The following CDC23 variants were observed in gnomAD, a reference collection of about 807,000 sequenced individuals.
The protein encoded by CDC23 is cell division cycle protein 23 homolog.
A neutral mutation model predicts 81.7 loss-of-function variants in CDC23; 26 were observed. The observed-to-expected ratio is 0.32, with a 90% confidence interval of 0.23 to 0.44. The LOEUF is 0.44. Among genes scored for constraint, CDC23 ranks in the 20% least tolerant of loss-of-function variants. The pLI is 1.00. For missense variants in CDC23, 519 were observed against 728.0 expected, an observed-to-expected ratio of 0.71 and a Z score of 3.30; for synonymous variants, 267 against 270.8, an observed-to-expected ratio of 0.99 and a Z score of 0.14.
intron 2 of CDC23, among the ~76,000 whole-genome samples, chr5:138,211,283 T>A (rs1358582128): frequency 5.3e-5 from 8 of 152,198 alleles, no homozygotes; most frequent in Non-Finnish European, 1.2e-4. Flanking sequence ...AAATACAGCA[T>A]GTTCTCACTT....
intron 2 of CDC23, 68 bp downstream of exon 2, chr5:138,212,923 G>A (rs892632762): frequency 4.0e-5 from 52 of 1,304,566 alleles, no homozygotes; most frequent in Non-Finnish European, 5.1e-5. Flanking sequence ...CCAGTGACAG[G>A]GCACTCAGTG....
At chr5:138,206,414 T>C (rs774327509) in intron 3 of CDC23, 133 bp downstream of exon 3, 1 of 847,432 alleles carries the variant, frequency 1.2e-6, no homozygotes, top group African/African-American at 1.7e-5. Context: ...TATCTTTTTT[T>C]TATTATTGCT....
rs982292575 is a variant in CDC23, at chr5:138,191,715, C to G, written c.1362+147G>C. On this transcript the variant is annotated intron_variant, in intron 12 of 15. Transcript: ENST00000394886. ...ATTCCCACTGATGACCTTGGCCCAG[C>G]TTTGCTTTCAGACTATGTATCTATA... 4.8e-5 allele frequency: 44 copies of G among 922,262 alleles called. No individual in the cohort carries two copies. In the Middle Eastern group the frequency reaches 1.3e-3, roughly 27 times the overall value. The allele number at this position is 922,262 out of a possible 1,614,324, so 57.1% of individuals were successfully genotyped here. A position where few individuals can be genotyped will look rare whatever the true frequency, so the allele number is the denominator to read the frequency against.
At chr5:138,191,759 T>C in intron 12 of CDC23, 103 bp downstream of exon 12, 2 of 1,019,632 alleles carry the variant, frequency 2.0e-6, no homozygotes, top group Non-Finnish European at 3.1e-6. Context: ...GACTTTCCTA[T>C]GCACCTAGAT....
At position 138,213,230 on chromosome 5, in the gene CDC23, T is replaced by A; in HGVS notation, c.83A>T (p.Asp28Val). 3.1e-6 allele frequency: 5 copies of A among 1,614,016 alleles called. No homozygotes were observed. Among genetic ancestry groups the A allele is most frequent in the Non-Finnish European group, 4.2e-6 (5 of 1,180,004 alleles). Reference protein sequence around the residue: ...PVLSINSDFSDLREIKKQLLL... With the variant: ...PVLSINSDFSVLREIKKQLLL... ...CAGTTGCTTTTTAATTTCCCGCAAA[T>A]CTGAGAAATCGCTGTTTATGGACAG... The change falls in exon 1 of 16, where the codon GAT becomes GTT. Residue 28 changes from aspartate (D) to valine (V), a missense_variant. By Grantham distance (152) the Asp-to-Val change is radical. Around this residue, in one of 4 missense-constraint regions of CDC23, gnomAD observed 126 missense variants for 116.2 expected, o/e 1.08. Transcript: ENST00000394886.
chr5:138,189,925 T>A lies in CDC23; in HGVS notation c.1425-19A>T. ...ATGAAGCCTACAAAAGAAACTGATC[T>A]TTAAATACCAATGATATCCCAAAGC... On this transcript the variant is annotated intron_variant, in intron 13 of 15. Coordinates refer to ENST00000394886, the MANE Select transcript of CDC23 (RefSeq NM_004661.4). 6.2e-7 allele frequency: 1 copy of A among 1,609,844 alleles called. No individual in the cohort carries two copies.
At chr5:138,212,499 C>CTAGAGACGGGGT (rs1417223855) in intron 2 of CDC23, among the ~76,000 whole-genome samples, 1 of 151,298 alleles carries the variant, frequency 6.6e-6, no homozygotes, top group Non-Finnish European at 1.5e-5. Flanking sequence ...TGTATTTTTA[C>CTAGAGACGGGGT]TAGAGACGGG....
At chr5:138,200,985 G>T in intron 6 of CDC23, 122 bp downstream of exon 6, 1 of 1,043,354 alleles carries the variant, frequency 9.6e-7, no homozygotes, top group Non-Finnish European at 1.4e-6. Flanking sequence ...AAAGACACCA[G>T]AGGCGCAGCA....
At chr5:138,191,257 A>C (rs1414431747) in intron 13 of CDC23, among the ~76,000 whole-genome samples, 1 of 152,102 alleles carries the variant, frequency 6.6e-6, no homozygotes, top group Non-Finnish European at 1.5e-5. Flanking sequence ...CAGCCGCCCA[A>C]AGTGCTAGAA....
intron 2 of CDC23, among the ~76,000 whole-genome samples, chr5:138,208,885 C>T (rs1755082353): frequency 6.6e-6 from 1 of 152,236 alleles, no homozygotes; most frequent in East Asian, 1.9e-4. Context: ...GCCTCCTGGG[C>T]TCAAGTGATC....
Position 138,198,419 on chromosome 5 carries a change from A to G in CDC23, c.930+7T>C. ...TTAATCAAATCCAAGCAAGGGAAGC[A>G]GCTCACCCTGACATAAAGAAGGTTG... On this transcript the variant is annotated splice_region_variant and intron_variant, in intron 8 of 15. Coordinates refer to ENST00000394886, the MANE Select transcript of CDC23 (RefSeq NM_004661.4). The G allele has an allele frequency of 1.9e-6, 3 of 1,612,920 alleles. No homozygotes were observed. Among genetic ancestry groups the G allele is most frequent in the Non-Finnish European group, 2.5e-6 (3 of 1,179,020 alleles).
chr5:138,213,268 T>C lies in CDC23; in HGVS notation c.45A>G (p.Ala15=). Residue 15 remains alanine (A), a synonymous_variant, in exon 1 of 16, where the codon GCA becomes GCG. Coordinates refer to ENST00000394886, the MANE Select transcript of CDC23 (RefSeq NM_004661.4). ...TSMVPVAVTA[A]VAPVLSINSD... ...TGTTTATGGACAGGACAGGCGCCACTGCCGCCGTCACAGCCACCGGGACCA... is the reference window on the plus strand; with the variant it reads ...TGTTTATGGACAGGACAGGCGCCACCGCCGCCGTCACAGCCACCGGGACCA... The C allele has an allele frequency of 2.5e-6, 4 of 1,614,004 alleles. No homozygotes were observed. Among genetic ancestry groups the C allele is most frequent in the Non-Finnish European group, 2.5e-6 (3 of 1,180,038 alleles).
Position 138,206,726 on chromosome 5 carries a change from C to T in CDC23, c.235-42G>A, listed in dbSNP as rs559056386. ...CTTATGTAAGTGGTTGGGAATAGGACAACAAAACTTCAAATCTAAAAAGTA... is the reference window on the plus strand; with the variant it reads ...CTTATGTAAGTGGTTGGGAATAGGATAACAAAACTTCAAATCTAAAAAGTA... On this transcript the variant is annotated intron_variant, in intron 2 of 15. Coordinates refer to ENST00000394886, the MANE Select transcript of CDC23 (RefSeq NM_004661.4). 70 of 1,548,472 alleles carry T rather than the reference C, an allele frequency of 4.5e-5. 1 individual carries two copies. In the South Asian group the frequency reaches 8.1e-4, roughly 18 times the overall value.
rs374640902 is a variant in CDC23 at position 138,201,415 on chromosome 5, G to A, written c.449C>T (p.Ala150Val). The A allele has an allele frequency of 1.7e-5, 27 of 1,613,818 alleles. No homozygotes were observed. Among genetic ancestry groups the A allele is most frequent in the Middle Eastern group, 1.6e-4 (1 of 6,084 alleles). ...PLEKGQVKNE[A>V]LRELRVELSK... Reference sequence around the variant, plus strand: ...GAGCTCCACTCTCAATTCTCTAAGCGCCTCATTTTTCACTTGTCCTTTTTC... The same window carrying A: ...GAGCTCCACTCTCAATTCTCTAAGCACCTCATTTTTCACTTGTCCTTTTTC... Residue 150 changes from alanine (A) to valine (V), a missense_variant, in exon 5 of 16, where the codon GCG becomes GTG. Around this residue, in one of 4 missense-constraint regions of CDC23, gnomAD observed 180 missense variants for 239.3 expected, o/e 0.75. Coordinates refer to ENST00000394886, the MANE Select transcript of CDC23 (RefSeq NM_004661.4).
chr5:138,202,233 C>T, intron 3 of CDC23, 78 bp from the exon 4 acceptor site: 1 of 1,069,908 alleles, frequency 9.3e-7, no homozygotes, highest in East Asian at 2.5e-5. Flanking sequence ...CCTGATCCTA[C>T]CTAAAGGGCC....
chr5:138,192,008 A>G, intron 11 of CDC23, 71 bp from the exon 12 acceptor site: 1 of 1,281,300 alleles, frequency 7.8e-7, no homozygotes, highest in Non-Finnish European at 1.1e-6. Context: ...AGGAACCAGT[A>G]CACCACTATT....
intron 11 of CDC23, 79 bp from the exon 12 acceptor site, chr5:138,192,016 AT>A: frequency 8.1e-7 from 1 of 1,228,336 alleles, no homozygotes; most frequent in South Asian, 1.3e-5. Context: ...GTACACCACT[AT>A]TTCAAATCTA....
In CDC23 at chr5:138,195,590, A is replaced by T. The variant is rs1387295791; in HGVS notation, c.1012+2609T>A. 1.0e-4 allele frequency among the ~76,000 whole-genome samples: 6 copies of T among 58,582 alleles called. No homozygotes were observed. In the South Asian group the frequency reaches 2.7e-3, roughly 26 times the overall value. The allele number at this position is 58,582 out of a possible 152,430, so 38.4% of individuals were successfully genotyped here. A position where few individuals can be genotyped will look rare whatever the true frequency, so the allele number is the denominator to read the frequency against. On this transcript the variant is annotated intron_variant, in intron 9 of 15. Coordinates refer to ENST00000394886, the MANE Select transcript of CDC23 (RefSeq NM_004661.4). ...TATTTATATATAATATATTATATAT[A>T]ATATATATTATATATGATATATTTA... is the stretch of plus-strand genomic sequence containing the variant.
Position 138,201,290 on chromosome 5 carries a change from T to A in CDC23, c.522-51A>T, listed in dbSNP as rs1330149460. On this transcript the variant is annotated intron_variant, in intron 5 of 15. Coordinates refer to ENST00000394886, the MANE Select transcript of CDC23 (RefSeq NM_004661.4). The stretch of plus-strand genomic sequence containing the variant: ...GAAGTTAATGCTATTTAATAGCTGC[T>A]TTCTACTCAGGAGAATATGTTACAG... 1.9e-6 allele frequency: 3 copies of A among 1,613,468 alleles called. No homozygotes were observed. The South Asian group carries it at 3.3e-5, about 18-fold the overall frequency.
Sources: gnomAD v4.1 joint callset for allele counts (sites outside exome capture counted in the v4.1 genomes callset) on GRCh38, gnomAD v4.1.1 for gene constraint, gnomAD v4.1.1 regional missense constraint, MANE v1.5 for transcripts, NCBI Gene and HGNC (gene_info 2026-07-23, HGNC 2026-07-21) for gene names.